Variants in WWOX observed in about 807,000 individuals in gnomAD.
WWOX encodes WW domain-containing oxidoreductase.
WWOX carries 69 observed loss-of-function variants against 46.2 expected under a neutral mutation model. The observed-to-expected ratio is 1.49, with a 90% CI of 1.23 to 1.82. The LOEUF (loss-of-function observed/expected upper bound fraction) is 1.82. WWOX is among the 40% of genes most tolerant of loss of function. WWOX has a pLI of 0.00. For missense variants in WWOX, 919 were observed against 542.6 expected (o/e 1.69, Z -6.89); for synonymous variants, 359 against 202.6 (o/e 1.77, Z -6.56).
At chr16:78,497,179 C>G (rs529522188) in intron 8 of WWOX, among the ~76,000 whole-genome samples, 39 of 152,196 alleles carry the variant, frequency 2.6e-4, no homozygotes, top group Non-Finnish European at 4.7e-4. Context: ...TGGAAAGACT[C>G]AATAGCATAT....
chr16:78,661,442 G>C (rs1290744882), intron 8 of WWOX, among the ~76,000 whole-genome samples: 1 of 151,956 alleles, frequency 6.6e-6, no homozygotes, highest in African/African-American at 2.4e-5. Flanking sequence ...TTGATTTTCT[G>C]TATGACTTTA....
chr16:79,129,849 G>C (rs1223030003), intron 8 of WWOX, among the ~76,000 whole-genome samples: 1 of 152,154 alleles, frequency 6.6e-6, no homozygotes, highest in Non-Finnish European at 1.5e-5. Context: ...GGGTCAAATT[G>C]GTGCTGAGCA....
intron 8 of WWOX, among the ~76,000 whole-genome samples, chr16:78,915,995 A>C (rs935336281): frequency 3.3e-5 from 5 of 152,128 alleles, no homozygotes; most frequent in African/African-American, 1.2e-4. Context: ...CAGATTTCCC[A>C]CCTATTGTTT....
At position 79,045,780 on chromosome 16, in the gene WWOX, CTTTTTTTTTTTTTTTTTTTTTTTTTTT is replaced by C. The variant is rs770463813; in HGVS notation, c.1057-165815_1057-165789del. Among the ~76,000 whole-genome samples the C allele has an allele frequency of 1.5e-4, 8 of 54,226 alleles. 1 individual carries two copies. Among genetic ancestry groups the C allele is most frequent in the Non-Finnish European group, 1.6e-4 (4 of 25,352 alleles). The allele number at this position is 54,226 out of a possible 152,430, so 35.6% of individuals were successfully genotyped here. On this transcript the variant is annotated intron_variant, in intron 8 of 8. Coordinates refer to ENST00000566780, the MANE Select transcript of WWOX (RefSeq NM_016373.4). ...AGCTCGTCTTTCCTTTTTTCTTTTCCTTTTTTTTTTTTTTTTTTTTTTTTTTTTTTTTTTTTTTTGAGATGGAGTCTC... is the reference window on the plus strand; with the variant it reads ...AGCTCGTCTTTCCTTTTTTCTTTTCCTTTTTTTTTTTTGAGATGGAGTCTC...
At chr16:78,424,538 G>A (rs895429208) in intron 6 of WWOX, among the ~76,000 whole-genome samples, 9 of 152,212 alleles carry the variant, frequency 5.9e-5, no homozygotes, top group Non-Finnish European at 1.2e-4. Context: ...TAATCAGGTG[G>A]TTGAACCTGA....
intron 8 of WWOX, among the ~76,000 whole-genome samples, chr16:78,541,767 C>T (rs549619663): frequency 6.6e-6 from 1 of 151,912 alleles, no homozygotes; most frequent in Non-Finnish European, 1.5e-5. Context: ...GGTTATATGT[C>T]AATGGGTTAG....
At chr16:78,796,707 C>A (rs569990552) in intron 8 of WWOX, among the ~76,000 whole-genome samples, 79 of 152,278 alleles carry the variant, frequency 5.2e-4, no homozygotes, top group African/African-American at 1.6e-3. Context: ...TAGAAAGGGC[C>A]CTGCCTGGGC....
chr16:78,476,196 G>C (rs913154488), intron 8 of WWOX, among the ~76,000 whole-genome samples: 3 of 152,128 alleles, frequency 2.0e-5, no homozygotes, highest in African/African-American at 7.2e-5. Context: ...TCTCATTGTG[G>C]TTTTGATTTG....
chr16:79,025,955 C>T (rs1227417688), intron 8 of WWOX, among the ~76,000 whole-genome samples: 15 of 148,796 alleles, frequency 1.0e-4, no homozygotes, highest in Admixed American at 8.6e-4. Context: ...CCTATCACCA[C>T]GCCGAGCTAA....
At chr16:79,027,335 G>A (rs1330278171) in intron 8 of WWOX, among the ~76,000 whole-genome samples, 2 of 149,682 alleles carry the variant, frequency 1.3e-5, no homozygotes, top group Non-Finnish European at 3.0e-5. Context: ...AGATAATATA[G>A]CTCTGCAGAA....
At chr16:78,527,652 A>G (rs985903089) in intron 8 of WWOX, among the ~76,000 whole-genome samples, 2 of 152,190 alleles carry the variant, frequency 1.3e-5, no homozygotes, top group African/African-American at 2.4e-5. Flanking sequence ...CAGTCCTACT[A>G]TGCACCTTAC....
At chr16:79,090,925 T>C (rs761210690) in intron 8 of WWOX, among the ~76,000 whole-genome samples, 90 of 152,174 alleles carry the variant, frequency 5.9e-4, no homozygotes, top group Non-Finnish European at 6.0e-4. Context: ...TCCCAAGAAG[T>C]TGGGACTACA....
At chr16:78,679,304 A>G (rs2047674862) in intron 8 of WWOX, among the ~76,000 whole-genome samples, 1 of 152,188 alleles carries the variant, frequency 6.6e-6, no homozygotes, top group Non-Finnish European at 1.5e-5. Context: ...TAATCCCAGC[A>G]CTTTGGGAGG....
At chr16:78,805,694 A>G (rs1181999547) in intron 8 of WWOX, among the ~76,000 whole-genome samples, 2 of 152,302 alleles carry the variant, frequency 1.3e-5, no homozygotes, top group East Asian at 1.9e-4. Context: ...TGGGTGAAAC[A>G]TGGGAGTGTC....
intron 8 of WWOX, among the ~76,000 whole-genome samples, chr16:78,875,010 A>G (rs1393039558): frequency 2.6e-5 from 4 of 152,162 alleles, no homozygotes; most frequent in African/African-American, 7.2e-5. Flanking sequence ...TCTTAAAGGA[A>G]TCTTTCAATA....
At chr16:79,012,976 G>T (rs139289161) in intron 8 of WWOX, among the ~76,000 whole-genome samples, 1 of 152,326 alleles carries the variant, frequency 6.6e-6, no homozygotes, top group African/African-American at 2.4e-5. Flanking sequence ...TGGATCGCCT[G>T]AGGTCAGGAA....
chr16:78,954,081 C>G (rs1288143720), intron 8 of WWOX, among the ~76,000 whole-genome samples: 1 of 152,170 alleles, frequency 6.6e-6, no homozygotes, highest in Non-Finnish European at 1.5e-5. Flanking sequence ...TATTCAGTTC[C>G]TAGTCATCTT....
chr16:78,946,695 G>C (rs527704989), intron 8 of WWOX, among the ~76,000 whole-genome samples: 29 of 152,214 alleles, frequency 1.9e-4, no homozygotes, highest in African/African-American at 6.7e-4. Context: ...CTGGAAAACT[G>C]TGTGGTGCGT....
intron 8 of WWOX, among the ~76,000 whole-genome samples, chr16:79,080,461 A>G (rs139370640): frequency 3.7e-4 from 56 of 152,264 alleles, no homozygotes; most frequent in East Asian, 2.3e-3. Flanking sequence ...ATAGAATTCA[A>G]TTCTTCTCTT....
Sources: gnomAD v4.1 joint callset for allele counts (sites outside exome capture counted in the v4.1 genomes callset) on GRCh38, gnomAD v4.1.1 for gene constraint, MANE v1.5 for transcripts, NCBI Gene and HGNC (gene_info 2026-07-23, HGNC 2026-07-21) for gene names.